WWOX: variants seen among roughly 807,000 people sequenced by gnomAD.
WWOX encodes the protein WW domain-containing oxidoreductase.
WWOX carries 69 observed loss-of-function variants against 46.2 expected under a neutral mutation model. That is an observed-to-expected ratio of 1.49 (90% CI 1.23 to 1.82). The LOEUF (loss-of-function observed/expected upper bound fraction) is 1.82, where lower values mean the gene tolerates loss of function less well. WWOX is among the 40% of genes most tolerant of loss of function. WWOX has a pLI of 0.00. For missense variants in WWOX, 919 were observed against 542.6 expected, an observed-to-expected ratio of 1.69 and a Z score of -6.89; for synonymous variants, 359 against 202.6, an observed-to-expected ratio of 1.77 and a Z score of -6.56.
chr16:78,335,370 A>C (rs1202805066), intron 5 of WWOX, among the ~76,000 whole-genome samples: 3 of 152,212 alleles, frequency 2.0e-5, no homozygotes, highest in East Asian at 1.9e-4. Context: ...AAACGAGAGC[A>C]TGCAGTGTTT....
At position 78,934,580 on chromosome 16, in the gene WWOX, G is replaced by A. The variant is rs188499698; in HGVS notation, c.1057-277028G>A. ...AAACTTACAGAGAACATGATTAGAA[G>A]CTAGCATCTGTTTTTACCCTACCCT... On this transcript the variant is annotated intron_variant, in intron 8 of 8. Transcript: ENST00000566780. Among the ~76,000 whole-genome samples the A allele has an allele frequency of 1.8e-3, 264 of 148,622 alleles. 1 individual carries two copies. The highest frequency in any genetic ancestry group is 7.4e-3 in the Middle Eastern group (2 of 270).
At chr16:79,104,546 A>G (rs2049269103) in intron 8 of WWOX, among the ~76,000 whole-genome samples, 1 of 152,254 alleles carries the variant, frequency 6.6e-6, no homozygotes, top group South Asian at 2.1e-4. Flanking sequence ...ACAACTTGAC[A>G]TCAAATTATG....
chr16:78,825,822 G>A lies in WWOX; in HGVS notation c.1057-385786G>A, dbSNP rs192534490. ...GTGCTGCTCAGATAGGGTTTTCTGG[G>A]CATCAAGGTGAAGGTCATGCTGCCC... On this transcript the variant is annotated intron_variant, in intron 8 of 8. Coordinates refer to ENST00000566780, the MANE Select transcript of WWOX (RefSeq NM_016373.4). 6 of 596,020 alleles carry A rather than the reference G, an allele frequency of 1.0e-5. No individual in the cohort carries two copies. The Admixed American group carries it at 1.2e-4, about 12-fold the overall frequency. 36.9% of individuals were successfully genotyped at this position (596,020 alleles called of 1,614,324 possible). A position where few individuals can be genotyped will look rare whatever the true frequency, so the allele number is the denominator to read the frequency against.
chr16:78,136,921 C>T (rs1043235110), intron 4 of WWOX, among the ~76,000 whole-genome samples: 5 of 152,112 alleles, frequency 3.3e-5, no homozygotes, highest in Admixed American at 3.3e-4. Flanking sequence ...AGAGGGCAGA[C>T]CCCATTCATG....
chr16:78,985,280 C>T (rs1256274524), intron 8 of WWOX, among the ~76,000 whole-genome samples: 1 of 152,202 alleles, frequency 6.6e-6, no homozygotes, highest in African/African-American at 2.4e-5. Flanking sequence ...TGTCACAGTG[C>T]ATTATGTCAG....
In WWOX at chr16:79,012,054, A is replaced by C. The variant is rs190066354; in HGVS notation, c.1057-199554A>C. ...CCTCTGGCTACTGTGTTGAGAATAAAGTGTCAAAGCCAACAGTGGAAGCGT... is the reference window on the plus strand; with the variant it reads ...CCTCTGGCTACTGTGTTGAGAATAACGTGTCAAAGCCAACAGTGGAAGCGT... On this transcript the variant is annotated intron_variant, in intron 8 of 8. Coordinates refer to ENST00000566780, the MANE Select transcript of WWOX (RefSeq NM_016373.4). Among the ~76,000 whole-genome samples the C allele has an allele frequency of 3.4e-3, 515 of 152,280 alleles. 4 individuals are homozygous for C. Among genetic ancestry groups the C allele is most frequent in the African/African-American group, 0.012 (490 of 41,566 alleles).
chr16:78,186,656 T>A (rs2151759078), intron 5 of WWOX, among the ~76,000 whole-genome samples: 1 of 152,250 alleles, frequency 6.6e-6, no homozygotes, highest in South Asian at 2.1e-4. Context: ...TCCCAGCTAC[T>A]GAGGAGGCTG....
intron 8 of WWOX, among the ~76,000 whole-genome samples, chr16:78,449,853 C>G (rs1292080235): frequency 6.6e-6 from 1 of 151,658 alleles, no homozygotes; most frequent in African/African-American, 2.4e-5. Context: ...ATGTGTATTG[C>G]AGAATTTGGA....
At chr16:78,521,596 C>T (rs536892213) in intron 8 of WWOX, among the ~76,000 whole-genome samples, 57 of 152,250 alleles carry the variant, frequency 3.7e-4, no homozygotes, top group South Asian at 1.9e-3. Flanking sequence ...GAATTAAATA[C>T]GCTAATATAT....
intron 8 of WWOX, among the ~76,000 whole-genome samples, chr16:78,791,465 C>G (rs1226257677): frequency 6.6e-6 from 1 of 152,160 alleles, no homozygotes; most frequent in Non-Finnish European, 1.5e-5. Context: ...GGCTGAGTGA[C>G]TCCTTGATGT....
At chr16:78,870,522 C>T (rs777372023) in intron 8 of WWOX, among the ~76,000 whole-genome samples, 1 of 151,906 alleles carries the variant, frequency 6.6e-6, no homozygotes. Context: ...AAACAAAAAA[C>T]CCTTACTGAT....
chr16:78,989,393 C>A (rs749125627), intron 8 of WWOX, among the ~76,000 whole-genome samples: 1 of 152,180 alleles, frequency 6.6e-6, no homozygotes, highest in African/African-American at 2.4e-5. Context: ...CTGATGCAGT[C>A]AAACCACCCT....
chr16:78,144,446 TAC>T (rs1555543027), intron 4 of WWOX, among the ~76,000 whole-genome samples: 165 of 9,816 alleles, frequency 0.017, 18 homozygotes, highest in African/African-American at 0.044. Context: ...TATATATATA[TAC>T]ACATATATAT....
intron 8 of WWOX, among the ~76,000 whole-genome samples, chr16:78,685,299 C>A (rs986545268): frequency 6.6e-6 from 1 of 152,048 alleles, no homozygotes; most frequent in African/African-American, 2.4e-5. Context: ...CTGGGGACGT[C>A]CCTTGGGAAG....
At chr16:79,210,650 T>A (rs974900004) in intron 8 of WWOX, among the ~76,000 whole-genome samples, 2 of 152,262 alleles carry the variant, frequency 1.3e-5, no homozygotes, top group East Asian at 1.9e-4. Flanking sequence ...AGATAAACTG[T>A]ATTGGTTTTA....
intron 8 of WWOX, among the ~76,000 whole-genome samples, chr16:78,544,913 C>A (rs764771558): frequency 6.6e-6 from 1 of 151,550 alleles, no homozygotes; most frequent in Non-Finnish European, 1.5e-5. Context: ...GTGGTGGCTC[C>A]TGCCTATAAT....
chr16:78,234,114 C>A (rs2037359934), intron 5 of WWOX, among the ~76,000 whole-genome samples: 2 of 94,294 alleles, frequency 2.1e-5, no homozygotes, highest in Admixed American at 3.0e-4. Context: ...GGGAGGAGTT[C>A]ATATTCTTTT....
intron 5 of WWOX, among the ~76,000 whole-genome samples, chr16:78,331,409 A>G (rs9928524): frequency 0.063 from 9,531 of 152,306 alleles, 543 homozygotes; most frequent in African/African-American, 0.15. Context: ...AACCAATTAC[A>G]TTCTAATACA....
chr16:78,702,830 T>C (rs937852892), intron 8 of WWOX, among the ~76,000 whole-genome samples: 1 of 152,110 alleles, frequency 6.6e-6, no homozygotes, highest in Non-Finnish European at 1.5e-5. Flanking sequence ...GGGAAACACA[T>C]AACTGGAACA....
Sources: gnomAD v4.1 joint callset for allele counts (sites outside exome capture counted in the v4.1 genomes callset) on GRCh38, gnomAD v4.1.1 for gene constraint, MANE v1.5 for transcripts, NCBI Gene and HGNC (gene_info 2026-07-23, HGNC 2026-07-21) for gene names.